Variants in BDNF observed in about 807,000 individuals in gnomAD.
The protein encoded by BDNF is neurotrophic factor BDNF precursor form.
A neutral mutation model predicts 19.5 loss-of-function variants in BDNF; 1 was observed. The ratio of observed to expected loss-of-function variants is 0.05; its 90% CI spans 0.02 to 0.24. The LOEUF (loss-of-function observed/expected upper bound fraction) is 0.24. Among genes scored for constraint, BDNF ranks in the 10% least tolerant of loss-of-function variants. The pLI is 1.00. For synonymous variants in BDNF, 100 were observed against 121.6 expected, an observed-to-expected ratio of 0.82 and a Z score of 1.17; for missense variants, 195 against 317.6, an observed-to-expected ratio of 0.61 and a Z score of 2.93.
chr11:27,691,186 T>C (rs1056069886), intron 1 of BDNF: 2 of 152,154 alleles, frequency 1.3e-5, no homozygotes, highest in South Asian at 4.2e-4. Flanking sequence ...AAAATACAGT[T>C]TGGGGGCAAG....
intron 1 of BDNF, chr11:27,674,142 G>T: frequency 6.2e-7 from 1 of 1,611,464 alleles, no homozygotes; most frequent in Non-Finnish European, 8.5e-7. Flanking sequence ...CTTCTGGGAT[G>T]CACAGTCATG....
At chr11:27,660,786 A>AAG (rs1410497412) in intron 1 of BDNF, among the ~76,000 whole-genome samples, 1 of 151,696 alleles carries the variant, frequency 6.6e-6, no homozygotes, top group African/African-American at 2.4e-5. Context: ...AAAAAAAAAA[A>AAG]AGAATTAATG....
In BDNF at chr11:27,657,317, C is replaced by A; in HGVS notation, c.*504G>T. The A allele has an allele frequency of 1.0e-6, 1 of 993,592 alleles. No homozygotes were observed. Among genetic ancestry groups the A allele is most frequent in the Non-Finnish European group, 1.2e-6 (1 of 834,750 alleles). The allele number at this position is 993,592 out of a possible 1,614,324, so 61.5% of individuals were successfully genotyped here. The stretch of plus-strand genomic sequence containing the variant: ...ATCCCCTAAGCCAGTAAAGCAATGA[C>A]AACAGCACCTTGACATTGTTTTAAT... On this transcript the variant is annotated 3_prime_UTR_variant, in exon 2 of 2. Transcript: ENST00000356660. The surrounding 1 kb of genome is among the most constrained non-coding windows in gnomAD (Gnocchi z 5.0).
chr11:27,665,309 G>A (rs1007119738), intron 1 of BDNF: 1 of 152,284 alleles, frequency 6.6e-6, no homozygotes, highest in African/African-American at 2.4e-5. Context: ...GAGGTTCCAA[G>A]ATGGCCAAAT....
At chr11:27,708,995 A>G (rs1166859663) in intron 1 of BDNF, among the ~76,000 whole-genome samples, 3 of 151,750 alleles carry the variant, frequency 2.0e-5, no homozygotes, top group African/African-American at 7.3e-5. Context: ...CACTTGGCTC[A>G]TTTTTTAAGT....
At chr11:27,713,035 G>C (rs574677273) in intron 1 of BDNF, among the ~76,000 whole-genome samples, 1 of 147,170 alleles carries the variant, frequency 6.8e-6, no homozygotes, top group Non-Finnish European at 1.5e-5. Context: ...AGCCTCCCAA[G>C]TAGCTGAGAT....
chr11:27,658,556 G>C lies in BDNF; in HGVS notation c.9C>G (p.Ile3Met). 6.2e-7 allele frequency: 1 copy of C among 1,614,166 alleles called. No homozygotes were observed. Among genetic ancestry groups the C allele is most frequent in the Non-Finnish European group, 8.5e-7 (1 of 1,180,002 alleles). The change falls in exon 2 of 2, where the codon ATC (isoleucine) becomes ATG (methionine). Residue 3 changes from isoleucine (I) to methionine (M), a missense_variant. Coordinates refer to ENST00000356660, the MANE Select transcript of BDNF (RefSeq NM_001709.5). This position sits in a 1 kb window ranked among gnomAD's most constrained non-coding sequence, Gnocchi z 5.7. ...ATGAAATAACCATAGTAAGGAAAAG[G>C]ATGGTCATCACTCTTCTCACCTGGT... MTILFLTMVISYF... is the reference protein window; with the variant it reads MTMLFLTMVISYF...
chr11:27,691,393 G>A (rs1858256343), intron 1 of BDNF, among the ~76,000 whole-genome samples: 1 of 152,130 alleles, frequency 6.6e-6, no homozygotes, highest in Admixed American at 6.5e-5. Flanking sequence ...CACTCACTGG[G>A]CACTCAATTA....
intron 1 of BDNF, chr11:27,697,861 G>A (rs1345952506): frequency 1.3e-5 from 2 of 152,130 alleles, no homozygotes; most frequent in Non-Finnish European, 2.9e-5. Context: ...TTTAAAAAAT[G>A]TGATGTCTAA....
chr11:27,677,971 G>GA (rs1159402683), intron 1 of BDNF, among the ~76,000 whole-genome samples: 3 of 152,158 alleles, frequency 2.0e-5, no homozygotes, highest in Non-Finnish European at 1.5e-5. Flanking sequence ...TTCCCTAGAA[G>GA]AAACTGATTC....
chr11:27,679,381 G>A (rs1856583075), intron 1 of BDNF, among the ~76,000 whole-genome samples: 1 of 152,196 alleles, frequency 6.6e-6, no homozygotes, highest in Non-Finnish European at 1.5e-5. Context: ...TTAAAGATAT[G>A]TTACATTTTT....
intron 1 of BDNF, among the ~76,000 whole-genome samples, chr11:27,662,565 G>A (rs796754346): frequency 6.6e-6 from 1 of 152,300 alleles, no homozygotes; most frequent in South Asian, 2.1e-4. Context: ...TTTTTCCACG[G>A]TCTGGGAGTA....
intron 1 of BDNF, among the ~76,000 whole-genome samples, chr11:27,713,006 C>T (rs1291213244): frequency 7.0e-6 from 1 of 143,436 alleles, no homozygotes; most frequent in Non-Finnish European, 1.5e-5. Context: ...CTCCATGGTT[C>T]AAGTTAGTCT....
chr11:27,663,782 A>G (rs529609096), intron 1 of BDNF, among the ~76,000 whole-genome samples: 1 of 152,170 alleles, frequency 6.6e-6, no homozygotes, highest in Non-Finnish European at 1.5e-5. Context: ...CAAAATGTGG[A>G]CACTGCAGCT....
At chr11:27,696,222 G>T (rs762805311) in intron 1 of BDNF, 1 of 152,084 alleles carries the variant, frequency 6.6e-6, no homozygotes, top group Non-Finnish European at 1.5e-5. Context: ...TTAAGAGGAC[G>T]TTTAGGACAC....
At chr11:27,699,125 A>G (rs1449504877) in intron 1 of BDNF, among the ~76,000 whole-genome samples, 2 of 135,460 alleles carry the variant, frequency 1.5e-5, no homozygotes, top group Non-Finnish European at 3.1e-5. Flanking sequence ...TCTTGGCAGC[A>G]TGGCCGGCAG....
intron 1 of BDNF, among the ~76,000 whole-genome samples, chr11:27,696,065 A>G (rs1196742906): frequency 1.3e-5 from 2 of 152,190 alleles, no homozygotes; most frequent in African/African-American, 4.8e-5. Context: ...TCCATTTTGC[A>G]TCTGCCATCA....
chr11:27,698,256 A>G (rs1435142522), intron 1 of BDNF: 1 of 120,910 alleles, frequency 8.3e-6, no homozygotes, highest in Non-Finnish European at 1.8e-5. Flanking sequence ...AAAAAAAAAA[A>G]GTCTTAAGCA....
chr11:27,682,579 C>T (rs1366209819), intron 1 of BDNF, among the ~76,000 whole-genome samples: 2 of 151,976 alleles, frequency 1.3e-5, no homozygotes, highest in Non-Finnish European at 2.9e-5. Context: ...CCCTGACAGG[C>T]CCCAGTGTGT....
Sources: allele counts gnomAD v4.1 joint callset (sites outside exome capture counted in the v4.1 genomes callset), GRCh38; gene constraint gnomAD v4.1.1; non-coding constraint Gnocchi (gnomAD v3.1); transcripts MANE v1.5; gene names NCBI Gene and HGNC (gene_info 2026-07-23, HGNC 2026-07-21).